Variants in CFAP92 observed in about 807,000 individuals in gnomAD.
CFAP92 encodes the protein uncharacterized protein CFAP92.
In CFAP92, 86 loss-of-function variants were observed where a neutral mutation model predicts 106.3. The observed-to-expected ratio is 0.81, with a 90% CI of 0.68 to 0.97. The LOEUF is 0.97. Ranked by LOEUF, CFAP92 falls within the 50% of genes least tolerant of loss-of-function variation. CFAP92 has a pLI of 0.00. For missense variants in CFAP92, 1,204 were observed against 1,283.8 expected (o/e 0.94, Z 0.95); for synonymous variants, 477 against 506.4 (o/e 0.94, Z 0.78).
At chr3:128,944,315 C>T (rs949087642) in intron 10 of CFAP92, among the ~76,000 whole-genome samples, 19 of 152,158 alleles carry the variant, frequency 1.2e-4, no homozygotes, top group African/African-American at 3.9e-4. Context: ...GTTTTCACTT[C>T]TCCTGGGCTT....
Position 128,945,883 on chromosome 3 carries a change from G to C in CFAP92, c.1446C>G (p.Phe482Leu). ...CAAGGAAGATGACGTTGATGTCCTG[G>C]AAATAAACGTGGGTTCCATGGGGCT... ...KGEPHGTHVY[F>L]QDINVIFLGA... Residue 482 changes from phenylalanine to leucine, a missense_variant, in exon 10 of 16, where the codon TTC (phenylalanine) becomes TTG (leucine). Physicochemically the swap from Phe to Leu is conservative, Grantham distance 22. Transcript: ENST00000645291. 1 of 1,471,766 alleles carries C rather than the reference G, an allele frequency of 6.8e-7. No individual in the cohort carries two copies. The allele number at this position is 1,471,766 out of a possible 1,614,324, so 91.2% of individuals were successfully genotyped here. A position where few individuals can be genotyped will look rare whatever the true frequency, so the allele number is the denominator to read the frequency against.
intron 15 of CFAP92, among the ~76,000 whole-genome samples, chr3:128,913,505 G>A (rs1159247604): frequency 7.8e-6 from 1 of 128,734 alleles, no homozygotes; most frequent in East Asian, 2.0e-4. Context: ...TGCTCACTGT[G>A]GTGAACTTTA....
chr3:128,987,267 AG>A (rs1223734504), intron 4 of CFAP92, among the ~76,000 whole-genome samples: 1 of 151,860 alleles, frequency 6.6e-6, no homozygotes, highest in African/African-American at 2.4e-5. Flanking sequence ...GGGATTTTTA[AG>A]TTTTCTCTTT....
rs750088926 is a variant in CFAP92, at chr3:128,988,857, ACTGT to A, written c.320_323del (p.Asp107ValfsTer43). On this transcript the variant is annotated frameshift_variant, in exon 3 of 16. Transcript: ENST00000645291. LOFTEE classifies it high-confidence loss of function. Reference sequence around the variant, plus strand: ...AAAAACGACGCATCTTTGTAACAGAACTGTCTGTTTTAGGGTGTTTCTTATATTT... The same window carrying A: ...AAAAACGACGCATCTTTGTAACAGAACTGTTTTAGGGTGTTTCTTATATTT... 4 of 1,613,634 alleles carry A rather than the reference ACTGT, an allele frequency of 2.5e-6. No individual in the cohort carries two copies. Among genetic ancestry groups the A allele is most frequent in the Admixed American group, 3.3e-5 (2 of 60,020 alleles).
chr3:129,019,660 G>A, the CFAP92 span, among the ~76,000 whole-genome samples: 3 of 152,040 alleles, frequency 2.0e-5, no homozygotes, highest in Non-Finnish European at 2.9e-5. Flanking sequence ...ACGCTTTCTG[G>A]CTGCACTGGT....
intron 9 of CFAP92, among the ~76,000 whole-genome samples, chr3:128,962,147 T>C (rs535500179): frequency 2.0e-5 from 3 of 152,112 alleles, no homozygotes; most frequent in East Asian, 1.9e-4. Context: ...TCTGACTGAC[T>C]CCTTCTCGGC....
chr3:128,968,114 GTTGCTGTCATCTCCACA>G (rs1365938632), intron 8 of CFAP92: 2 of 152,176 alleles, frequency 1.3e-5, no homozygotes, highest in Non-Finnish European at 2.9e-5. Context: ...ACCTTGTGTG[GTTGCTGTCATCTCCACA>G]TTACAGATGG....
intron 9 of CFAP92, among the ~76,000 whole-genome samples, chr3:128,949,273 G>A (rs1940556996): frequency 6.6e-6 from 1 of 152,206 alleles, no homozygotes; most frequent in Admixed American, 6.5e-5. Context: ...TTTTTAAGCA[G>A]CTCTATTCAT....
At chr3:129,026,491 C>T in the CFAP92 span, among the ~76,000 whole-genome samples, 2 of 152,216 alleles carry the variant, frequency 1.3e-5, no homozygotes, top group African/African-American at 4.8e-5. Context: ...AAGAAGCTCA[C>T]TGCCTTCCAC....
intron 9 of CFAP92, among the ~76,000 whole-genome samples, chr3:128,953,588 T>TCCCTCTCCCTCTCCCTCC (rs1941038922): frequency 1.7e-5 from 2 of 114,308 alleles, no homozygotes; most frequent in Non-Finnish European, 1.6e-5. Flanking sequence ...CCTCTCCCTC[T>TCCCTCTCCCTCTCCCTCC]CCCTCTCCCT....
the CFAP92 span, among the ~76,000 whole-genome samples, chr3:129,018,252 G>C: frequency 6.6e-6 from 1 of 152,180 alleles, no homozygotes. Context: ...TCCATAGGGA[G>C]CAGAAGTCAT....
intron 9 of CFAP92, among the ~76,000 whole-genome samples, chr3:128,959,711 C>A (rs1403836887): frequency 2.0e-5 from 3 of 152,184 alleles, no homozygotes; most frequent in African/African-American, 7.2e-5. Context: ...GTGAAGAGCA[C>A]CTGCGGCATA....
At chr3:128,940,629 A>C (rs1939529559) in intron 10 of CFAP92, among the ~76,000 whole-genome samples, 1 of 152,196 alleles carries the variant, frequency 6.6e-6, no homozygotes, top group South Asian at 2.1e-4. Flanking sequence ...CACATATGTC[A>C]TATGTCAAAT....
chr3:128,956,184 T>TAAAAAAAAAAAAAA (rs369899266), intron 9 of CFAP92, among the ~76,000 whole-genome samples: 2 of 49,276 alleles, frequency 4.1e-5, no homozygotes. Flanking sequence ...AAAAATAAAT[T>TAAAAAAAAAAAAAA]AAAAAAAAAA....
At chr3:128,919,247 A>AT (rs199873384) in intron 12 of CFAP92, among the ~76,000 whole-genome samples, 2,774 of 151,456 alleles carry the variant, frequency 0.018, 86 homozygotes, top group African/African-American at 0.063. Flanking sequence ...CCCAGCCTGG[A>AT]TTTTTTTTTC....
rs781747272 is a variant in CFAP92, at chr3:128,915,176, T to C, written c.3223A>G (p.Lys1075Glu). ...DRHHVDFDLYKKPPPFLELLP... is the reference protein window; with the variant it reads ...DRHHVDFDLYEKPPPFLELLP... ...AGCTCGAGGAAAGGTGGTGGTTTCTTGTACAGATCAAAGTCCACGTGGTGC... is the reference window on the plus strand; with the variant it reads ...AGCTCGAGGAAAGGTGGTGGTTTCTCGTACAGATCAAAGTCCACGTGGTGC... Residue 1075 changes from lysine to glutamate, a missense_variant, in exon 15 of 16, where the codon AAG becomes GAG. Lys to Glu is a moderately conservative substitution (Grantham distance 56). Coordinates refer to ENST00000645291, the MANE Select transcript of CFAP92 (RefSeq NM_001394090.1). 1.3e-6 allele frequency: 2 copies of C among 1,536,158 alleles called. No individual in the cohort carries two copies. The highest frequency in any genetic ancestry group is 2.4e-5 in the East Asian group (1 of 40,918).
chr3:128,973,526 C>T (rs1441703330), intron 7 of CFAP92, among the ~76,000 whole-genome samples: 1 of 152,066 alleles, frequency 6.6e-6, no homozygotes, highest in Non-Finnish European at 1.5e-5. Flanking sequence ...CATGGTAGCA[C>T]ATGCCTGTAA....
intron 12 of CFAP92, among the ~76,000 whole-genome samples, chr3:128,931,857 T>TA (rs540031655): frequency 0.033 from 4,865 of 149,172 alleles, 139 homozygotes; most frequent in South Asian, 0.11. Context: ...ACCCAATCTC[T>TA]AAAAAAAAAG....
intron 15 of CFAP92, chr3:128,912,908 G>A (rs778247964): frequency 1.8e-6 from 1 of 564,612 alleles, no homozygotes. Flanking sequence ...TGGAAACTGG[G>A]GCTTATGCTG....
Sources: gnomAD v4.1 joint callset for allele counts (sites outside exome capture counted in the v4.1 genomes callset) on GRCh38, gnomAD v4.1.1 for gene constraint, MANE v1.5 for transcripts, NCBI Gene and HGNC (gene_info 2026-07-23, HGNC 2026-07-21) for gene names.